CACNA1I: variants seen among roughly 807,000 people sequenced by gnomAD.
CACNA1I encodes voltage-dependent T-type calcium channel subunit alpha-1I.
CACNA1I carries 74 observed loss-of-function variants against 201.6 expected under a neutral mutation model. That is an observed-to-expected ratio of 0.37 (90% CI 0.30 to 0.45). The LOEUF is 0.45. Ranked by LOEUF, CACNA1I falls within the 20% of genes least tolerant of loss-of-function variation. The pLI, the probability that CACNA1I is intolerant of heterozygous loss-of-function variation, is 1.00. For synonymous variants in CACNA1I, 1,431 were observed against 1,345.2 expected, an observed-to-expected ratio of 1.06 and a Z score of -1.40; for missense variants, 2,346 against 3,138.1, an observed-to-expected ratio of 0.75 and a Z score of 6.03.
rs1165484176 is a variant in CACNA1I, at chr22:39,670,048, A to G, written c.4205A>G (p.Asn1402Ser). The G allele has an allele frequency of 6.2e-7, 1 of 1,612,260 alleles. No individual in the cohort carries two copies. The highest frequency in any genetic ancestry group is 8.5e-7 in the Non-Finnish European group (1 of 1,179,842). ...AVAVDQQPVT[N>S]HNPWMLLYFI... ...CTGACTCCCCTGCAGCCTGTGACCAACCACAACCCCTGGATGCTGCTGTAC... is the reference window on the plus strand; with the variant it reads ...CTGACTCCCCTGCAGCCTGTGACCAGCCACAACCCCTGGATGCTGCTGTAC... The change falls in exon 25 of 37, where the codon AAC becomes AGC. Residue 1402 changes from asparagine (N) to serine (S), a missense_variant. Physicochemically the swap from Asn to Ser is conservative, Grantham distance 46. This residue lies in a region of CACNA1I where 228 missense variants were observed against 395.7 expected (regional missense o/e 0.58). Coordinates refer to ENST00000402142, the MANE Select transcript of CACNA1I (RefSeq NM_021096.4).
intron 3 of CACNA1I, among the ~76,000 whole-genome samples, chr22:39,618,463 A>T (rs1338761578): frequency 6.6e-6 from 1 of 151,980 alleles, no homozygotes; most frequent in Non-Finnish European, 1.5e-5. Context: ...GTGTGCACAC[A>T]GGTATGGAAG....
intron 5 of CACNA1I, among the ~76,000 whole-genome samples, chr22:39,636,551 T>G (rs936116754): frequency 6.6e-5 from 10 of 152,184 alleles, no homozygotes; most frequent in Non-Finnish European, 1.5e-5. Context: ...CACGCACGTC[T>G]GGTGGAGAGC....
intron 1 of CACNA1I, among the ~76,000 whole-genome samples, chr22:39,585,293 C>G (rs1165514977): frequency 1.3e-5 from 2 of 151,862 alleles, no homozygotes; most frequent in Non-Finnish European, 2.9e-5. Context: ...GAACTCCTGA[C>G]CTCAGGTGAT....
chr22:39,643,749 T>C (rs1367418757), intron 7 of CACNA1I, among the ~76,000 whole-genome samples: 1 of 152,204 alleles, frequency 6.6e-6, no homozygotes, highest in Non-Finnish European at 1.5e-5. Flanking sequence ...TTGGGGAGGC[T>C]GGGGCCTTGG....
Position 39,640,643 on chromosome 22 carries a change from G to A in CACNA1I, c.741-224G>A, listed in dbSNP as rs1336847144. On this transcript the variant is annotated intron_variant, in intron 5 of 36. Transcript: ENST00000402142. ...GAGCCATAATGAAGGTGTGTGCAAGGCACAGTGAGGCTCCCCAGAGAAGGG... is the reference window on the plus strand; with the variant it reads ...GAGCCATAATGAAGGTGTGTGCAAGACACAGTGAGGCTCCCCAGAGAAGGG... Among the ~76,000 whole-genome samples, 4 of 152,188 alleles carry A rather than the reference G, an allele frequency of 2.6e-5. No homozygotes were observed. The East Asian group carries it at 5.8e-4, about 22-fold the overall frequency.
At position 39,684,944 on chromosome 22, in the gene CACNA1I, C is replaced by T. The variant is rs557046538; in HGVS notation, c.6027+446C>T. The T allele has an allele frequency of 6.3e-6, 2 of 318,910 alleles. No homozygotes were observed. The highest frequency in any genetic ancestry group is 4.2e-5 in the African/African-American group (2 of 47,364). The allele number at this position is 318,910 out of a possible 1,614,324, so 19.8% of individuals were successfully genotyped here. On this transcript the variant is annotated intron_variant, in intron 36 of 36. Transcript: ENST00000402142. The surrounding 1 kb of genome is among the most constrained non-coding windows in gnomAD (Gnocchi z 4.6). Reference sequence around the variant, plus strand: ...GATGAGAAGCCTCGGGCTGCAGGGTCCCCCGTACTGGATTGGCCAGGGCCA... The same window carrying T: ...GATGAGAAGCCTCGGGCTGCAGGGTTCCCCGTACTGGATTGGCCAGGGCCA...
At chr22:39,585,338 CA>C (rs1469844761) in intron 1 of CACNA1I, among the ~76,000 whole-genome samples, 2 of 150,272 alleles carry the variant, frequency 1.3e-5, no homozygotes, top group Non-Finnish European at 3.0e-5. Flanking sequence ...GCTGGGATTA[CA>C]AGTGTGAGCC....
intron 32 of CACNA1I, 104 bp downstream of exon 32, chr22:39,679,549 C>A: frequency 9.4e-7 from 1 of 1,065,218 alleles, no homozygotes; most frequent in Non-Finnish European, 1.3e-6. Flanking sequence ...CTCTGTCTTT[C>A]TGGGCCCCAC....
chr22:39,682,147 CA>C (rs1403192513), intron 34 of CACNA1I, among the ~76,000 whole-genome samples: 1 of 152,156 alleles, frequency 6.6e-6, no homozygotes, highest in Non-Finnish European at 1.5e-5. Flanking sequence ...GATGCAGAAA[CA>C]GGCTCAGCAA....
At chr22:39,678,186 T>TCTGCCCACCCAGGGCC (rs1432033926) in intron 31 of CACNA1I, 78 bp downstream of exon 31, 1 of 1,509,274 alleles carries the variant, frequency 6.6e-7, no homozygotes, top group Admixed American at 1.9e-5. Flanking sequence ...TGCTCAGGGC[T>TCTGCCCACCCAGGGCC]CTGCCCACCC....
chr22:39,661,879 C>CGG lies in CACNA1I; in HGVS notation c.2902-82_2902-81dup, dbSNP rs1027661805. ...CAGGTGGGTGGTCTTAGAGCCACAG[C>CGG]GGGGGTGCAGGCTGCCTTTGGGCAC... is the stretch of plus-strand genomic sequence containing the variant. On this transcript the variant is annotated intron_variant, in intron 16 of 36. Coordinates refer to ENST00000402142, the MANE Select transcript of CACNA1I (RefSeq NM_021096.4). The CGG allele has an allele frequency of 5.9e-6, 5 of 845,312 alleles. No individual in the cohort carries two copies. In the East Asian group the frequency reaches 1.5e-4, roughly 26 times the overall value. The allele number at this position is 845,312 out of a possible 1,614,324, so 52.4% of individuals were successfully genotyped here.
rs1445299276 is a variant in CACNA1I, at chr22:39,670,041, G to C, written c.4198G>C (p.Val1400Leu). The C allele has an allele frequency of 5.6e-6, 9 of 1,612,098 alleles. No individual in the cohort carries two copies. The highest frequency in any genetic ancestry group is 7.6e-6 in the Non-Finnish European group (9 of 1,179,860). Reference protein sequence around the residue: ...LDAVAVDQQPVTNHNPWMLLY... With the variant: ...LDAVAVDQQPLTNHNPWMLLY... The stretch of plus-strand genomic sequence containing the variant: ...GCCCTTTCTGACTCCCCTGCAGCCT[G>C]TGACCAACCACAACCCCTGGATGCT... The change falls in exon 25 of 37, where the codon GTG (valine) becomes CTG (leucine). Residue 1400 changes from valine to leucine, a missense_variant. Val to Leu is a conservative substitution (Grantham distance 32). Around this residue, in one of 13 missense-constraint regions of CACNA1I, gnomAD observed 228 missense variants for 395.7 expected, o/e 0.58. Coordinates refer to ENST00000402142, the MANE Select transcript of CACNA1I (RefSeq NM_021096.4).
At chr22:39,634,827 G>A in intron 5 of CACNA1I, 103 bp downstream of exon 5, 12 of 1,145,684 alleles carry the variant, frequency 1.0e-5, no homozygotes, top group Admixed American at 4.8e-5. Context: ...GGTAGAAGCA[G>A]CAAAAAAAGA....
chr22:39,610,981 C>G (rs926231), intron 3 of CACNA1I, among the ~76,000 whole-genome samples: 48,311 of 152,008 alleles, frequency 0.32, 9,696 homozygotes, highest in East Asian at 0.84. Flanking sequence ...ATAGGCCAGA[C>G]GGAGGTGAAG....
chr22:39,600,588 T>C lies in CACNA1I; in HGVS notation c.417T>C (p.Ile139=). ...EMVLKMVALG[I]FGKKCYLGDT... ...TGCTCAAGATGGTGGCCCTGGGGAT[T>C]TTTGGCAAGAAGTGCTACCTCGGGG... The change falls in exon 3 of 37, where the codon ATT becomes ATC. Residue 139 remains isoleucine, a synonymous_variant. Coordinates refer to ENST00000402142, the MANE Select transcript of CACNA1I (RefSeq NM_021096.4). 6.2e-7 allele frequency: 1 copy of C among 1,611,676 alleles called. No individual in the cohort carries two copies. Among genetic ancestry groups the C allele is most frequent in the African/African-American group, 1.3e-5 (1 of 74,958 alleles).
In CACNA1I at chr22:39,663,865, A is replaced by G; in HGVS notation, c.3597+24A>G. 1.9e-6 allele frequency: 3 copies of G among 1,612,640 alleles called. No individual in the cohort carries two copies. The South Asian group carries it at 3.3e-5, about 18-fold the overall frequency. On this transcript the variant is annotated intron_variant, in intron 19 of 36. Coordinates refer to ENST00000402142, the MANE Select transcript of CACNA1I (RefSeq NM_021096.4). The stretch of plus-strand genomic sequence containing the variant: ...CCGTGAGTGGCTGTAGCCTTTGGGC[A>G]GGGCAGGCGCCAGGCCAAGGGACAG...
intron 1 of CACNA1I, among the ~76,000 whole-genome samples, chr22:39,585,726 A>ATTT (rs1439172512): frequency 2.2e-4 from 15 of 68,340 alleles, no homozygotes; most frequent in South Asian, 6.2e-4. Context: ...AAACTTTTAA[A>ATTT]GTTTTTTTTT....
intron 1 of CACNA1I, among the ~76,000 whole-genome samples, chr22:39,596,737 AG>A (rs1932903028): frequency 6.6e-6 from 1 of 151,878 alleles, no homozygotes; most frequent in African/African-American, 2.4e-5. Flanking sequence ...GGGCAGACCC[AG>A]GGGGCCGATG....
At position 39,648,224 on chromosome 22, in the gene CACNA1I, G is replaced by A. The variant is rs1040414493; in HGVS notation, c.1567+298G>A. 5.9e-5 allele frequency among the ~76,000 whole-genome samples: 9 copies of A among 152,196 alleles called. No homozygotes were observed. Among genetic ancestry groups the A allele is most frequent in the South Asian group, 2.1e-4 (1 of 4,818 alleles). On this transcript the variant is annotated intron_variant, in intron 9 of 36. Coordinates refer to ENST00000402142, the MANE Select transcript of CACNA1I (RefSeq NM_021096.4). The surrounding 1 kb of genome is among the most constrained non-coding windows in gnomAD (Gnocchi z 5.4). ...GCACGCTCAGAGCTGCCGCCCACCC[G>A]TCCTCGGGTGCCAGCCATCCAGGCG...
Sources: allele counts gnomAD v4.1 joint callset (sites outside exome capture counted in the v4.1 genomes callset), GRCh38; gene constraint gnomAD v4.1.1; regional missense constraint gnomAD v4.1.1; non-coding constraint Gnocchi (gnomAD v3.1); transcripts MANE v1.5; gene names NCBI Gene and HGNC (gene_info 2026-07-23, HGNC 2026-07-21).